Variants in THSD7B observed in about 807,000 individuals in gnomAD.
THSD7B encodes thrombospondin type 1 domain containing 7B.
A neutral mutation model predicts 213.6 loss-of-function variants in THSD7B; 138 were observed. The observed-to-expected ratio is 0.65, with a 90% CI of 0.56 to 0.74. THSD7B has a LOEUF of 0.74. Among genes scored for constraint, THSD7B ranks in the 30% least tolerant of loss-of-function variants. THSD7B has a pLI of 0.00. For synonymous variants in THSD7B, 742 were observed against 687.0 expected (o/e 1.08, Z -1.25); for missense variants, 1,931 against 1,991.5 (o/e 0.97, Z 0.58).
At chr2:136,773,675 C>G (rs570757861) in intron 1 of THSD7B, among the ~76,000 whole-genome samples, 35 of 150,736 alleles carry the variant, frequency 2.3e-4, no homozygotes, top group African/African-American at 8.5e-4. Flanking sequence ...CCACATGTGG[C>G]TGGTGGCCAC....
chr2:137,615,662 A>G (rs938330634), intron 17 of THSD7B, among the ~76,000 whole-genome samples: 3 of 152,192 alleles, frequency 2.0e-5, no homozygotes, highest in Admixed American at 1.3e-4. Context: ...CCCAAATAAG[A>G]AGAAGGTTCT....
chr2:137,613,485 G>T (rs1682324958), intron 17 of THSD7B, among the ~76,000 whole-genome samples: 1 of 152,152 alleles, frequency 6.6e-6, no homozygotes, highest in Admixed American at 6.5e-5. Flanking sequence ...TGAACTTTAA[G>T]GTAAATGCTG....
intron 15 of THSD7B, among the ~76,000 whole-genome samples, chr2:137,538,216 A>T (rs1680542261): frequency 6.6e-6 from 1 of 151,722 alleles, no homozygotes; most frequent in African/African-American, 2.4e-5. Flanking sequence ...CCAGAGGACA[A>T]CTAGGAAAAC....
chr2:137,554,919 G>A (rs756451135), intron 15 of THSD7B, among the ~76,000 whole-genome samples: 1 of 152,174 alleles, frequency 6.6e-6, no homozygotes, highest in Non-Finnish European at 1.5e-5. Context: ...GGCTCGGAGG[G>A]TCCCATGCTC....
intron 12 of THSD7B, among the ~76,000 whole-genome samples, chr2:137,402,475 A>T (rs905430866): frequency 2.0e-5 from 3 of 152,142 alleles, no homozygotes; most frequent in Non-Finnish European, 4.4e-5. Flanking sequence ...ATTCAAAAGA[A>T]ATGTGAATAA....
chr2:136,968,028 A>T (rs1685348953), intron 2 of THSD7B, among the ~76,000 whole-genome samples: 1 of 152,118 alleles, frequency 6.6e-6, no homozygotes, highest in Non-Finnish European at 1.5e-5. Context: ...ATTAATGGGC[A>T]TTTGGATTGT....
intron 12 of THSD7B, among the ~76,000 whole-genome samples, chr2:137,304,012 T>G (rs1383133495): frequency 6.6e-6 from 1 of 151,444 alleles, no homozygotes; most frequent in Non-Finnish European, 1.5e-5. Flanking sequence ...TGTGTCCATG[T>G]GTTCTCATTG....
intron 21 of THSD7B, among the ~76,000 whole-genome samples, chr2:137,649,577 G>T (rs1002736484): frequency 3.9e-5 from 6 of 152,146 alleles, no homozygotes; most frequent in Non-Finnish European, 7.4e-5. Flanking sequence ...TGTCAAAAAT[G>T]AGTTGTCTAT....
chr2:136,918,670 C>G (rs1216885204), intron 2 of THSD7B, among the ~76,000 whole-genome samples: 2 of 152,162 alleles, frequency 1.3e-5, no homozygotes, highest in Non-Finnish European at 2.9e-5. Context: ...TTATTCTTCT[C>G]CGTGACAGAA....
chr2:137,257,282 C>T (rs577526307), intron 10 of THSD7B, among the ~76,000 whole-genome samples: 2 of 152,248 alleles, frequency 1.3e-5, no homozygotes, highest in Admixed American at 6.5e-5. Context: ...GGAGTGTGCT[C>T]AATTTTTCAT....
chr2:137,151,949 T>G (rs1488802566), intron 5 of THSD7B, among the ~76,000 whole-genome samples: 1 of 151,874 alleles, frequency 6.6e-6, no homozygotes, highest in Non-Finnish European at 1.5e-5. Flanking sequence ...TTGTAGCTAG[T>G]GGAGGGTGAC....
At chr2:137,585,469 G>A (rs1242054984) in intron 17 of THSD7B, among the ~76,000 whole-genome samples, 3 of 151,700 alleles carry the variant, frequency 2.0e-5, no homozygotes, top group Admixed American at 6.6e-5. Flanking sequence ...TTCTCTTGTG[G>A]GCATTTAGTG....
chr2:137,626,463 C>CAAAAA (rs34778966), intron 20 of THSD7B, among the ~76,000 whole-genome samples: 2 of 93,584 alleles, frequency 2.1e-5, no homozygotes, highest in East Asian at 4.0e-4. Flanking sequence ...GACTCTGTCT[C>CAAAAA]AAAAAAAAAA....
intron 15 of THSD7B, among the ~76,000 whole-genome samples, chr2:137,507,944 T>C (rs1332590054): frequency 1.3e-5 from 2 of 152,246 alleles, no homozygotes; most frequent in African/African-American, 2.4e-5. Context: ...CTCCTCTAAG[T>C]GGCTGTGTAA....
chr2:137,415,099 G>A (rs958779868), intron 14 of THSD7B, among the ~76,000 whole-genome samples: 1 of 151,076 alleles, frequency 6.6e-6, no homozygotes, highest in Non-Finnish European at 1.5e-5. Context: ...CTGAGACACA[G>A]GATAATGACC....
At chr2:137,314,171 T>C (rs1484396492) in intron 12 of THSD7B, among the ~76,000 whole-genome samples, 2 of 152,196 alleles carry the variant, frequency 1.3e-5, no homozygotes, top group East Asian at 1.9e-4. Context: ...GGTCTTTTCA[T>C]ATAGTCCCAT....
At chr2:137,017,837 A>G (rs561137516) in intron 2 of THSD7B, among the ~76,000 whole-genome samples, 1 of 152,158 alleles carries the variant, frequency 6.6e-6, no homozygotes, top group Non-Finnish European at 1.5e-5. Flanking sequence ...AATAATATCC[A>G]GTCTGTTGTT....
intron 15 of THSD7B, among the ~76,000 whole-genome samples, chr2:137,549,449 A>G (rs946698804): frequency 5.9e-5 from 9 of 151,452 alleles, no homozygotes; most frequent in Admixed American, 4.0e-4. Flanking sequence ...TCTAAACAGT[A>G]TCTCCTAGAT....
chr2:136,771,818 A>C (rs1192656939), intron 1 of THSD7B, among the ~76,000 whole-genome samples: 1 of 152,132 alleles, frequency 6.6e-6, no homozygotes, highest in East Asian at 1.9e-4. Context: ...GAAAATGTTG[A>C]AGAGGGGAGT....
Sources: allele counts gnomAD v4.1 joint callset (sites outside exome capture counted in the v4.1 genomes callset), GRCh38; gene constraint gnomAD v4.1.1; transcripts MANE v1.5; gene names NCBI Gene and HGNC (gene_info 2026-07-23, HGNC 2026-07-21).